CORO2A: variants seen among roughly 807,000 people sequenced by gnomAD.
CORO2A encodes the protein coronin 2A.
CORO2A carries 47 observed loss-of-function variants against 62.4 expected under a neutral mutation model. That is an observed-to-expected ratio of 0.75 (90% CI 0.60 to 0.96). The LOEUF (loss-of-function observed/expected upper bound fraction) is 0.96. CORO2A is among the 40% of genes least tolerant of loss of function. CORO2A has a pLI of 0.00. For synonymous variants in CORO2A, 273 were observed against 268.9 expected (o/e 1.02, Z -0.15); for missense variants, 610 against 684.1 (o/e 0.89, Z 1.21).
At chr9:98,138,370 C>T (rs945725591) in intron 2 of CORO2A, among the ~76,000 whole-genome samples, 2 of 150,146 alleles carry the variant, frequency 1.3e-5, no homozygotes, top group African/African-American at 4.9e-5. Flanking sequence ...CTGATTGCGC[C>T]ATTGCACTCC....
chr9:98,184,621 G>T (rs1310245076), intron 1 of CORO2A, among the ~76,000 whole-genome samples: 1 of 152,122 alleles, frequency 6.6e-6, no homozygotes, highest in Non-Finnish European at 1.5e-5. Context: ...CAGGGACGTA[G>T]TGCTTTGGGT....
intron 1 of CORO2A, among the ~76,000 whole-genome samples, chr9:98,160,952 AG>A (rs1421719863): frequency 6.6e-6 from 1 of 152,218 alleles, no homozygotes; most frequent in African/African-American, 2.4e-5. Context: ...AGGGATGAGA[AG>A]GGTGCATGTT....
chr9:98,167,944 A>G (rs1159187597), intron 1 of CORO2A, among the ~76,000 whole-genome samples: 1 of 152,190 alleles, frequency 6.6e-6, no homozygotes, highest in East Asian at 1.9e-4. Context: ...TCTTTCCTTT[A>G]ATTTTGTATG....
chr9:98,171,691 G>A (rs1828038398), intron 1 of CORO2A, among the ~76,000 whole-genome samples: 1 of 152,098 alleles, frequency 6.6e-6, no homozygotes, highest in Admixed American at 6.5e-5. Context: ...GAGGCATGGG[G>A]TGGAAGGCGC....
chr9:98,167,359 A>G (rs751142183), intron 1 of CORO2A, among the ~76,000 whole-genome samples: 1 of 152,210 alleles, frequency 6.6e-6, no homozygotes, highest in Non-Finnish European at 1.5e-5. Context: ...GTTTTGCAAG[A>G]TAAAGAGTTC....
intron 1 of CORO2A, among the ~76,000 whole-genome samples, chr9:98,176,458 T>C (rs781766444): frequency 4.6e-5 from 7 of 152,200 alleles, no homozygotes; most frequent in Non-Finnish European, 1.0e-4. Context: ...CTTCCTCGCA[T>C]CTACTGAACA....
At chr9:98,185,453 G>A (rs941480328) in intron 1 of CORO2A, among the ~76,000 whole-genome samples, 5 of 152,216 alleles carry the variant, frequency 3.3e-5, no homozygotes, top group Non-Finnish European at 7.3e-5. Flanking sequence ...TATCAGCAGC[G>A]GGGTCAGCTC....
chr9:98,181,789 A>G (rs1828180839), intron 1 of CORO2A, among the ~76,000 whole-genome samples: 1 of 151,884 alleles, frequency 6.6e-6, no homozygotes, highest in Admixed American at 6.6e-5. Flanking sequence ...CATCCCATCC[A>G]TCCCCTCGCA....
intron 2 of CORO2A, among the ~76,000 whole-genome samples, chr9:98,156,508 AT>A (rs1159604550): frequency 1.3e-5 from 2 of 151,902 alleles, no homozygotes; most frequent in Admixed American, 1.3e-4. Flanking sequence ...TTCCATTTTG[AT>A]TTTGTTTATG....
chr9:98,185,549 G>T (rs754592164), intron 1 of CORO2A, among the ~76,000 whole-genome samples: 2 of 152,162 alleles, frequency 1.3e-5, no homozygotes. Context: ...CTGGAGGCTC[G>T]TATCTGATTT....
intron 2 of CORO2A, among the ~76,000 whole-genome samples, chr9:98,156,052 T>A (rs1827799001): frequency 6.9e-6 from 1 of 144,494 alleles, no homozygotes; most frequent in Admixed American, 6.8e-5. Context: ...TGTTTGAATT[T>A]TTTTTTTTTT....
intron 1 of CORO2A, among the ~76,000 whole-genome samples, chr9:98,188,115 G>A (rs1564222650): frequency 6.6e-6 from 1 of 152,142 alleles, no homozygotes; most frequent in Non-Finnish European, 1.5e-5. Context: ...GAACATGCCA[G>A]GCATGGTCCT....
At chr9:98,169,662 C>T (rs1414209169) in intron 1 of CORO2A, among the ~76,000 whole-genome samples, 1 of 152,222 alleles carries the variant, frequency 6.6e-6, no homozygotes, top group Non-Finnish European at 1.5e-5. Flanking sequence ...GACCTGTTCT[C>T]TGAGACAAAC....
Position 98,148,726 on chromosome 9 carries a change from T to C in CORO2A, c.201+8734A>G, listed in dbSNP as rs539096310. Among the ~76,000 whole-genome samples the C allele has an allele frequency of 4.4e-4, 66 of 148,960 alleles. 1 individual carries two copies. The South Asian group carries it at 0.014, about 31-fold the overall frequency. On this transcript the variant is annotated intron_variant, in intron 2 of 11. Transcript: ENST00000375077. ...ATGATCATGCCACTGCATTCCAGCC[T>C]GGGTGAAAGAGCCAGAGCTTGTCTC...
chr9:98,130,704 G>C (rs1827392235), intron 7 of CORO2A, among the ~76,000 whole-genome samples: 2 of 152,198 alleles, frequency 1.3e-5, no homozygotes, highest in Non-Finnish European at 2.9e-5. Flanking sequence ...AGGTGCCCCT[G>C]CTGAGAAACA....
In CORO2A at chr9:98,158,370, C is replaced by T. The variant is rs899868076; in HGVS notation, c.1-710G>A. 3.9e-5 allele frequency among the ~76,000 whole-genome samples: 6 copies of T among 152,308 alleles called. No homozygotes were observed. The South Asian group carries it at 6.2e-4, about 16-fold the overall frequency. On this transcript the variant is annotated intron_variant, in intron 1 of 11. Coordinates refer to ENST00000375077, the MANE Select transcript of CORO2A (RefSeq NM_052820.4). ...TAAGTTAGATGATGTATTTAGACCC[C>T]TTGGTGCATGGCAGATACTTGATCA...
Position 98,144,960 on chromosome 9 carries a change from G to A in CORO2A, c.202-7272C>T, listed in dbSNP as rs139665841. 6.6e-3 allele frequency among the ~76,000 whole-genome samples: 1,012 copies of A among 152,198 alleles called. 8 individuals are homozygous for A. The highest frequency in any genetic ancestry group is 0.027 in the Middle Eastern group (8 of 294). On this transcript the variant is annotated intron_variant, in intron 2 of 11. Transcript: ENST00000375077. ...AGGGTGAGATGTGGGACCAGGGACC[G>A]CCCAGAGGAGGCTGGGATTGAGCAG... is the stretch of plus-strand genomic sequence containing the variant.
chr9:98,133,253 CA>C, intron 4 of CORO2A, 36 bp from the exon 5 acceptor site: 2 of 1,599,994 alleles, frequency 1.3e-6, no homozygotes, highest in Non-Finnish European at 1.7e-6. Context: ...GCACAGGGGC[CA>C]CCTTGCCCCT....
intron 1 of CORO2A, among the ~76,000 whole-genome samples, chr9:98,183,054 G>A (rs774881140): frequency 6.6e-6 from 1 of 152,228 alleles, no homozygotes; most frequent in Non-Finnish European, 1.5e-5. Context: ...GGTCTATTGA[G>A]GCCTAGCATT....
Sources: gnomAD v4.1 joint callset for allele counts (sites outside exome capture counted in the v4.1 genomes callset) on GRCh38, gnomAD v4.1.1 for gene constraint, MANE v1.5 for transcripts, NCBI Gene and HGNC (gene_info 2026-07-23, HGNC 2026-07-21) for gene names.